WTAP: variants seen among roughly 807,000 people sequenced by gnomAD.
WTAP encodes the protein WT1 associated protein, also known as pre-mRNA-splicing regulator WTAP.
WTAP carries 8 observed loss-of-function variants against 50.0 expected under a neutral mutation model. That is an observed-to-expected ratio of 0.16 (90% CI 0.09 to 0.29). The LOEUF (loss-of-function observed/expected upper bound fraction) is 0.29, where lower values mean the gene tolerates loss of function less well. WTAP is among the 10% of genes least tolerant of loss of function. The pLI is 1.00. For missense variants in WTAP, 295 were observed against 470.7 expected (o/e 0.63, Z 3.45); for synonymous variants, 194 against 169.0 (o/e 1.15, Z -1.15).
Position 159,738,536 on chromosome 6 carries a change from G to T in WTAP, c.31-454G>T, listed in dbSNP as rs547693291. On this transcript the variant is annotated intron_variant, in intron 2 of 7. Transcript: ENST00000621533. ...TTTTTTAGCTTTTACAAGTAAAGCT[G>T]CTTGCATGTTTTCATTTCTTTGAGA... 8.5e-5 allele frequency among the ~76,000 whole-genome samples: 13 copies of T among 152,280 alleles called. No individual in the cohort carries two copies. In the South Asian group the frequency reaches 2.7e-3, roughly 32 times the overall value.
At chr6:159,743,539 T>A in intron 4 of WTAP, 126 bp from the exon 5 acceptor site, 1 of 937,384 alleles carries the variant, frequency 1.1e-6, no homozygotes, top group Non-Finnish European at 1.5e-6. Flanking sequence ...TCGCCTGTTA[T>A]AAAAGTAGTT....
In WTAP at chr6:159,748,224, C is replaced by T. The variant is rs1214157848; in HGVS notation, c.307C>T (p.Pro103Ser). The stretch of plus-strand genomic sequence containing the variant: ...CCAGTACCTCAAGCAAGTCCAGCAG[C>T]CGAGCGTTGCCCAACTGAGATCAAC... ...QIQYLKQVQQ[P>S]SVAQLRSTMV... The change falls in exon 6 of 8, where the codon CCG becomes TCG. Residue 103 changes from proline to serine, a missense_variant. By Grantham distance (74) the Pro-to-Ser change is moderately conservative. Around this residue, in one of 2 missense-constraint regions of WTAP, gnomAD observed 120 missense variants for 287.6 expected, o/e 0.42. Coordinates refer to ENST00000621533, the MANE Select transcript of WTAP (RefSeq NM_001270531.2). The surrounding 1 kb of genome is among the most constrained non-coding windows in gnomAD (Gnocchi z 5.6). The T allele has an allele frequency of 8.7e-6, 14 of 1,613,944 alleles. No homozygotes were observed. Among genetic ancestry groups the T allele is most frequent in the East Asian group, 2.2e-5 (1 of 44,884 alleles).
At chr6:159,738,892 G>A (rs1055521383) in intron 2 of WTAP, 98 bp from the exon 3 acceptor site, 30 of 901,702 alleles carry the variant, frequency 3.3e-5, no homozygotes, top group African/African-American at 6.8e-5. Context: ...GTACTGAGCC[G>A]TTTAAATCTC....
chr6:159,738,935 A>G (rs1462903156), intron 2 of WTAP, 55 bp from the exon 3 acceptor site: 4 of 1,356,728 alleles, frequency 2.9e-6, no homozygotes, highest in African/African-American at 2.9e-5. Flanking sequence ...GTCTCATTAT[A>G]GAACTTTGTG....
intron 6 of WTAP, among the ~76,000 whole-genome samples, chr6:159,750,119 C>G (rs888627410): frequency 1.3e-5 from 2 of 152,140 alleles, no homozygotes; most frequent in African/African-American, 2.4e-5. Context: ...AAAATTCTCA[C>G]TATTTGTGAG....
In WTAP at chr6:159,755,749, G is replaced by GTT. The variant is rs1402868444; in HGVS notation, c.*147_*148dup. ...TTTTTTTTTGTTGTTTTTTTTCTTT[G>GTT]TTTTTTTTTTCTTTTCTTTTTTTTT... On this transcript the variant is annotated 3_prime_UTR_variant, in exon 8 of 8. Transcript: ENST00000621533. The GTT allele has an allele frequency of 2.3e-4, 75 of 321,654 alleles. No individual in the cohort carries two copies. The highest frequency in any genetic ancestry group is 8.8e-4 in the African/African-American group (13 of 14,836). 19.9% of individuals were successfully genotyped at this position (321,654 alleles called of 1,614,324 possible). A position where few individuals can be genotyped will look rare whatever the true frequency, so the allele number is the denominator to read the frequency against.
chr6:159,747,557 T>C (rs150799114), intron 5 of WTAP, among the ~76,000 whole-genome samples: 1 of 152,358 alleles, frequency 6.6e-6, no homozygotes, highest in East Asian at 1.9e-4. Flanking sequence ...GCAACTCTTG[T>C]AGCTATAAGT....
intron 1 of WTAP, among the ~76,000 whole-genome samples, chr6:159,735,076 T>G (rs1318736925): frequency 1.3e-5 from 2 of 152,200 alleles, no homozygotes; most frequent in East Asian, 3.9e-4. Flanking sequence ...ATACAAAATA[T>G]TTGGCATAAA....
chr6:159,754,813 G>A (rs946852264), intron 7 of WTAP, among the ~76,000 whole-genome samples: 1 of 152,014 alleles, frequency 6.6e-6, no homozygotes, highest in African/African-American at 2.4e-5. Flanking sequence ...CATGTGGAGG[G>A]CCAACTGTAT....
chr6:159,727,806 A>G (rs1778293528), intron 1 of WTAP, 103 bp downstream of exon 1: 1 of 833,862 alleles, frequency 1.2e-6, no homozygotes, highest in Non-Finnish European at 1.4e-6. Context: ...AGGGCCCGAA[A>G]GGCCACACGG....
chr6:159,732,826 G>A (rs1778657700), intron 1 of WTAP, among the ~76,000 whole-genome samples: 1 of 151,796 alleles, frequency 6.6e-6, no homozygotes, highest in African/African-American at 2.4e-5. Flanking sequence ...CGCAGGGGGA[G>A]GGGGAGTGTC....
At chr6:159,754,983 A>G (rs777898956) in intron 7 of WTAP, 45 bp from the exon 8 acceptor site, 25 of 1,502,440 alleles carry the variant, frequency 1.7e-5, no homozygotes, top group South Asian at 1.2e-4. Flanking sequence ...ACATTTTTCA[A>G]TGTTATAAAC....
chr6:159,732,884 A>AGTGTGTG lies in WTAP; in HGVS notation c.-8-3374_-8-3373insGTGTGTG, dbSNP rs1562452316. 4.8e-5 allele frequency among the ~76,000 whole-genome samples: 4 copies of AGTGTGTG among 83,486 alleles called. No individual in the cohort carries two copies. In the East Asian group the frequency reaches 1.1e-3, roughly 22 times the overall value. 54.8% of individuals were successfully genotyped at this position (83,486 alleles called of 152,430 possible). On this transcript the variant is annotated intron_variant, in intron 1 of 7. Coordinates refer to ENST00000621533, the MANE Select transcript of WTAP (RefSeq NM_001270531.2). ...TCTCTCTCTCTCTCTGTATATATAT[A>AGTGTGTG]TAGTGTGTGTGTGTGTGTGTGTGTG... is the stretch of plus-strand genomic sequence containing the variant.
At chr6:159,741,802 ACG>A (rs2114920622) in intron 3 of WTAP, 1 of 254,342 alleles carries the variant, frequency 3.9e-6, no homozygotes, top group Non-Finnish European at 7.6e-6. Context: ...AGCCTGGGCA[ACG>A]TAGTGAGACC....
At chr6:159,730,046 A>G (rs1778472001) in intron 1 of WTAP, among the ~76,000 whole-genome samples, 2 of 152,192 alleles carry the variant, frequency 1.3e-5, no homozygotes, top group South Asian at 4.1e-4. Context: ...CTACATAAAT[A>G]ACTGAAACTT....
At chr6:159,753,330 G>GCTTTT in intron 6 of WTAP, 130 bp from the exon 7 acceptor site, 1 of 1,264,582 alleles carries the variant, frequency 7.9e-7, no homozygotes, top group East Asian at 2.5e-5. Flanking sequence ...AAAAGAAGAT[G>GCTTTT]GTAATTATGG....
rs376762680 is a variant in WTAP at position 159,749,554 on chromosome 6, A to G, written c.452+1185A>G. 3.3e-5 allele frequency: 17 copies of G among 521,564 alleles called. 1 individual carries two copies. The South Asian group carries it at 1.4e-3, about 43-fold the overall frequency. The allele number at this position is 521,564 out of a possible 1,614,324, so 32.3% of individuals were successfully genotyped here. A position where few individuals can be genotyped will look rare whatever the true frequency, so the allele number is the denominator to read the frequency against. ...TGGAAATACTGTTGCTGTGCTCTTC[A>G]AAGTGAAGGAAAAGGCGCTGTGCCT... On this transcript the variant is annotated intron_variant, in intron 6 of 7. Coordinates refer to ENST00000621533, the MANE Select transcript of WTAP (RefSeq NM_001270531.2).
upstream of WTAP, chr6:159,727,373 C>CCGGCAGGAGGCGGGAGGCGGG (rs766462112): frequency 1.9e-5 from 12 of 622,962 alleles, no homozygotes; most frequent in South Asian, 2.4e-4. Context: ...AGCGGGGAGG[C>CCGGCAGGAGGCGGGAGGCGGG]TGGCGGGAGG....
intron 7 of WTAP, 80 bp downstream of exon 7, chr6:159,753,694 GT>G: frequency 8.1e-6 from 12 of 1,485,114 alleles, no homozygotes; most frequent in Non-Finnish European, 1.1e-5. Context: ...AATATTATAG[GT>G]TAGATTCTGT....
Sources: allele counts gnomAD v4.1 joint callset (sites outside exome capture counted in the v4.1 genomes callset), GRCh38; gene constraint gnomAD v4.1.1; regional missense constraint gnomAD v4.1.1; non-coding constraint Gnocchi (gnomAD v3.1); transcripts MANE v1.5; gene names NCBI Gene and HGNC (gene_info 2026-07-23, HGNC 2026-07-21).